ADPRHL1: variants seen among roughly 807,000 people sequenced by gnomAD.
The protein encoded by ADPRHL1 is ADP-ribosylhydrolase like 1, also known as inactive ADP-ribosyltransferase ARH2.
Under a neutral mutation model 44.1 loss-of-function variants are expected in ADPRHL1, and 43 were observed. That is an observed-to-expected ratio of 0.98 (90% confidence interval 0.76 to 1.26). The LOEUF is 1.26. Among genes scored for constraint, ADPRHL1 ranks in the 50% most tolerant of loss-of-function variants. ADPRHL1 has a pLI of 0.00. For missense variants in ADPRHL1, 2,022 were observed against 2,496.9 expected (o/e 0.81, Z 4.05); for synonymous variants, 878 against 1,017.4 (o/e 0.86, Z 2.61).
In ADPRHL1 at chr13:113,406,256, G is replaced by A; in HGVS notation, c.3026C>T (p.Ala1009Val). 8.1e-7 allele frequency: 1 copy of A among 1,232,108 alleles called. No homozygotes were observed. The highest frequency in any genetic ancestry group is 3.2e-5 in the East Asian group (1 of 31,710). 76.3% of individuals were successfully genotyped at this position (1,232,108 alleles called of 1,614,324 possible). The change falls in exon 8 of 8, where the codon GCC (alanine) becomes GTC (valine). Residue 1009 changes from alanine (A) to valine (V), a missense_variant. Ala to Val is a moderately conservative substitution (Grantham distance 64, BLOSUM62 0). This residue lies in a region of ADPRHL1 where 1,221 missense variants were observed against 1,517.8 expected (regional missense o/e 0.80). Coordinates refer to ENST00000612156, the MANE Select transcript of ADPRHL1 (RefSeq NM_001394807.1). ...GTTTCCCCTCAGAAGGTTTTGTGAG[G>A]CTGCAGGATCATTTGTTGCGGAGCC... The part of the protein sequence containing the change: ...KKGSATNDPA[A>V]SQNLLRGNTS...
chr13:113,405,270 G>A lies in ADPRHL1; in HGVS notation c.4012C>T (p.Leu1338=). 1 of 1,231,934 alleles carries A rather than the reference G, an allele frequency of 8.1e-7. No homozygotes were observed. The allele number at this position is 1,231,934 out of a possible 1,614,324, so 76.3% of individuals were successfully genotyped here. ...GCAGTAGGGGGCAGGTGTGCCTGTAGATGGGGAGGGCCCCGCTGGTGGGTG... is the reference window on the plus strand; with the variant it reads ...GCAGTAGGGGGCAGGTGTGCCTGTAAATGGGGAGGGCCCCGCTGGTGGGTG... ...GGTHQRGPPH[L]QAHLPPTAGD... The change falls in exon 8 of 8, where the codon CTA becomes TTA. Residue 1338 remains leucine (L), a synonymous_variant. Transcript: ENST00000612156.
chr13:113,403,051 G>A lies in ADPRHL1; in HGVS notation c.*327C>T, dbSNP rs1257545652. ...ACGCACACACCGTGCCACTGCGGGA[G>A]GTGTGAGCTCCACGCTGCAGGCTGT... On this transcript the variant is annotated 3_prime_UTR_variant, in exon 8 of 8. Transcript: ENST00000612156. The A allele has an allele frequency of 9.8e-6, 2 of 203,608 alleles. No homozygotes were observed. Among genetic ancestry groups the A allele is most frequent in the African/African-American group, 2.3e-5 (1 of 43,370 alleles). 12.6% of individuals were successfully genotyped at this position (203,608 alleles called of 1,614,324 possible).
At chr13:113,437,468 A>G (rs2044069503) in intron 2 of ADPRHL1, among the ~76,000 whole-genome samples, 1 of 152,156 alleles carries the variant, frequency 6.6e-6, no homozygotes, top group Admixed American at 6.5e-5. Flanking sequence ...GCCCTCTGCA[A>G]TCCGTCCTCC....
intron 1 of ADPRHL1, among the ~76,000 whole-genome samples, chr13:113,448,465 CAAAAAAAA>C (rs61278696): frequency 2.0e-4 from 8 of 39,846 alleles, no homozygotes; most frequent in Admixed American, 7.1e-4. Flanking sequence ...GACTATGTCC[CAAAAAAAA>C]AAAAAAAAAA....
intron 1 of ADPRHL1, among the ~76,000 whole-genome samples, chr13:113,449,533 G>A (rs1291421853): frequency 2.7e-5 from 4 of 150,450 alleles, no homozygotes; most frequent in East Asian, 2.0e-4. Context: ...AGGCTCACCC[G>A]GAAGGAGGGA....
chr13:113,411,464 C>A (rs1238523502), intron 7 of ADPRHL1, among the ~76,000 whole-genome samples: 1 of 152,198 alleles, frequency 6.6e-6, no homozygotes, highest in African/African-American at 2.4e-5. Context: ...TCTTCCACCG[C>A]ACATCTAAGT....
chr13:113,449,581 C>G (rs549456053), intron 1 of ADPRHL1, among the ~76,000 whole-genome samples: 80 of 152,290 alleles, frequency 5.3e-4, no homozygotes, highest in Admixed American at 9.1e-4. Flanking sequence ...GGAGGCAGCC[C>G]GGTTCAGAGA....
At position 113,408,211 on chromosome 13, in the gene ADPRHL1, G is replaced by A; in HGVS notation, c.1071C>T (p.Ser357=). Residue 357 remains serine, a synonymous_variant, in exon 8 of 8, where the codon AGC becomes AGT. Coordinates refer to ENST00000612156, the MANE Select transcript of ADPRHL1 (RefSeq NM_001394807.1). ...YRLSTEENRK[S]SKTCSDVMSV... Reference sequence around the variant, plus strand: ...ACATGACGTCACTGCAGGTCTTGCTGCTCTTCCGGCTGCAGAGAAAAAGGA... The same window carrying A: ...ACATGACGTCACTGCAGGTCTTGCTACTCTTCCGGCTGCAGAGAAAAAGGA... 1 of 1,232,012 alleles carries A rather than the reference G, an allele frequency of 8.1e-7. No homozygotes were observed. Among genetic ancestry groups the A allele is most frequent in the Non-Finnish European group, 1.0e-6 (1 of 987,980 alleles). The allele number at this position is 1,232,012 out of a possible 1,614,324, so 76.3% of individuals were successfully genotyped here. A position where few individuals can be genotyped will look rare whatever the true frequency, so the allele number is the denominator to read the frequency against.
chr13:113,417,574 T>C (rs1228945493), intron 7 of ADPRHL1, among the ~76,000 whole-genome samples: 1 of 152,268 alleles, frequency 6.6e-6, no homozygotes, highest in East Asian at 1.9e-4. Flanking sequence ...TCCCTGCCTT[T>C]GTCTGTCTCA....
At chr13:113,443,523 G>A (rs1013392294) in intron 2 of ADPRHL1, among the ~76,000 whole-genome samples, 9 of 152,098 alleles carry the variant, frequency 5.9e-5, no homozygotes, top group African/African-American at 1.9e-4. Context: ...GGAGGCTAAG[G>A]TGGGAGGATT....
At chr13:113,423,816 G>A (rs2043943889) in intron 6 of ADPRHL1, among the ~76,000 whole-genome samples, 1 of 152,252 alleles carries the variant, frequency 6.6e-6, no homozygotes, top group Non-Finnish European at 1.5e-5. Flanking sequence ...AGGACAAGAT[G>A]ACGGTGACCT....
chr13:113,415,049 C>A (rs1044801287), intron 7 of ADPRHL1, among the ~76,000 whole-genome samples: 1 of 152,156 alleles, frequency 6.6e-6, no homozygotes, highest in African/African-American at 2.4e-5. Context: ...GAGGGCGACA[C>A]CTCCCTAGGT....
At chr13:113,439,588 T>C (rs768912951) in intron 2 of ADPRHL1, among the ~76,000 whole-genome samples, 5 of 151,812 alleles carry the variant, frequency 3.3e-5, no homozygotes, top group Non-Finnish European at 5.9e-5. Flanking sequence ...GCTTGGATTA[T>C]AGGTGCCCAC....
chr13:113,407,277 C>T lies in ADPRHL1; in HGVS notation c.2005G>A (p.Ala669Thr). Residue 669 changes from alanine to threonine, a missense_variant, in exon 8 of 8, where the codon GCA becomes ACA. By Grantham distance (58) the Ala-to-Thr change is moderately conservative. Coordinates refer to ENST00000612156, the MANE Select transcript of ADPRHL1 (RefSeq NM_001394807.1). The stretch of plus-strand genomic sequence containing the variant: ...TCCTCCAGGGGCCCCTTTCCCACTG[C>T]TTTGTTCCCACTGGGCCCCGTCTCC... ...ARETGPSGNK[A>T]VGKGPLEEEP... The T allele has an allele frequency of 8.1e-7, 1 of 1,232,170 alleles. No individual in the cohort carries two copies. 76.3% of individuals were successfully genotyped at this position (1,232,170 alleles called of 1,614,324 possible). A position where few individuals can be genotyped will look rare whatever the true frequency, so the allele number is the denominator to read the frequency against.
intron 1 of ADPRHL1, among the ~76,000 whole-genome samples, chr13:113,451,816 A>G (rs954651384): frequency 1.3e-5 from 2 of 152,100 alleles, no homozygotes; most frequent in African/African-American, 4.8e-5. Flanking sequence ...TCAAAAAACA[A>G]ACAAAAAACA....
At chr13:113,431,959 C>T (rs1051639976) in intron 3 of ADPRHL1, among the ~76,000 whole-genome samples, 25 of 152,192 alleles carry the variant, frequency 1.6e-4, no homozygotes, top group African/African-American at 4.8e-4. Context: ...TCAGGTGATC[C>T]GCCTGCCTTG....
chr13:113,405,196 C>T lies in ADPRHL1; in HGVS notation c.4086G>A (p.Thr1362=), dbSNP rs2043798452. The T allele has an allele frequency of 3.2e-6, 4 of 1,231,906 alleles. No individual in the cohort carries two copies. Among genetic ancestry groups the T allele is most frequent in the African/African-American group, 1.5e-5 (1 of 64,556 alleles). 76.3% of individuals were successfully genotyped at this position (1,231,906 alleles called of 1,614,324 possible). The change falls in exon 8 of 8, where the codon ACG becomes ACA. Residue 1362 remains threonine (T), a synonymous_variant. Coordinates refer to ENST00000612156, the MANE Select transcript of ADPRHL1 (RefSeq NM_001394807.1). The part of the protein sequence containing the change: ...KLRASVPEPR[T]QAGESQERPL... ...GACGCTCCTGGGATTCACCTGCCTG[C>T]GTCCTAGGCTCGGGGACACTGGCCC...
chr13:113,432,774 G>C (rs1566476398), intron 3 of ADPRHL1, among the ~76,000 whole-genome samples: 1 of 152,252 alleles, frequency 6.6e-6, no homozygotes, highest in Non-Finnish European at 1.5e-5. Context: ...GCCAGTCACA[G>C]CAGATACCAA....
At chr13:113,436,442 C>T (rs1376482669) in intron 2 of ADPRHL1, among the ~76,000 whole-genome samples, 4 of 3,126 alleles carry the variant, frequency 1.3e-3, no homozygotes, top group Admixed American at 6.3e-3. Flanking sequence ...CCCCGGGACC[C>T]GGCACCCAGG....
Sources: allele counts gnomAD v4.1 joint callset (sites outside exome capture counted in the v4.1 genomes callset), GRCh38; gene constraint gnomAD v4.1.1; regional missense constraint gnomAD v4.1.1; transcripts MANE v1.5; gene names NCBI Gene and HGNC (gene_info 2026-07-23, HGNC 2026-07-21).